The following QRICH2 variants were observed in gnomAD, a reference collection of about 807,000 sequenced individuals.
QRICH2 encodes the protein glutamine-rich protein 2.
A neutral mutation model predicts 168.3 loss-of-function variants in QRICH2; 119 were observed. That is an observed-to-expected ratio of 0.71 (90% CI 0.61 to 0.82). The LOEUF is 0.82. Ranked by LOEUF, QRICH2 falls within the 40% of genes least tolerant of loss-of-function variation. QRICH2 has a pLI of 0.00. For synonymous variants in QRICH2, 894 were observed against 951.2 expected (o/e 0.94, Z 1.11); for missense variants, 2,241 against 2,491.6 (o/e 0.90, Z 2.14).
chr17:76,304,714 A>C (rs756809495), intron 2 of QRICH2, among the ~76,000 whole-genome samples, 168 bp downstream of exon 2: 21 of 152,128 alleles, frequency 1.4e-4, no homozygotes, highest in Non-Finnish European at 2.9e-4. Context: ...CACCCAGCAG[A>C]GCGCTGGGCA....
chr17:76,277,099 T>G (rs2070694082), intron 16 of QRICH2, 64 bp downstream of exon 16: 1 of 1,475,708 alleles, frequency 6.8e-7, no homozygotes, highest in Admixed American at 2.5e-5. Flanking sequence ...CTTTAGAGAA[T>G]GACTCAGGAA....
chr17:76,295,771 C>A (rs532530563), intron 3 of QRICH2, among the ~76,000 whole-genome samples: 2 of 152,300 alleles, frequency 1.3e-5, no homozygotes, highest in South Asian at 4.1e-4. Flanking sequence ...GGGTCTGCAG[C>A]ATCTTGATAA....
At position 76,308,088 on chromosome 17, in the gene QRICH2, C is replaced by G; in HGVS notation, c.-90G>C. ...CCGCGCCTTGGGGCCTTTCGGGGGC[C>G]CTGCGAGGTCCTCGGGGCGCCCCTG... On this transcript the variant is annotated 5_prime_UTR_variant, in exon 1 of 19. Transcript: ENST00000680821. 5 of 1,225,498 alleles carry G rather than the reference C, an allele frequency of 4.1e-6. No homozygotes were observed. The highest frequency in any genetic ancestry group is 4.1e-6 in the Non-Finnish European group (4 of 984,592). 75.9% of individuals were successfully genotyped at this position (1,225,498 alleles called of 1,614,324 possible). A position where few individuals can be genotyped will look rare whatever the true frequency, so the allele number is the denominator to read the frequency against.
intron 4 of QRICH2, 32 bp downstream of exon 4, chr17:76,290,983 T>C (rs760607425): frequency 6.3e-7 from 1 of 1,593,644 alleles, no homozygotes; most frequent in Non-Finnish European, 8.6e-7. Flanking sequence ...ACAGAGACAA[T>C]GGTTTCTCCT....
rs61553346 is a variant in QRICH2, at chr17:76,284,168, CAAAA to C, written c.4012-2057_4012-2054del. Among the ~76,000 whole-genome samples the C allele has an allele frequency of 1.5e-3, 93 of 62,740 alleles. 3 individuals carry two copies. The highest frequency in any genetic ancestry group is 8.8e-3 in the Middle Eastern group (1 of 114). 41.2% of individuals were successfully genotyped at this position (62,740 alleles called of 152,430 possible). On this transcript the variant is annotated intron_variant, in intron 7 of 18. Transcript: ENST00000680821. The stretch of plus-strand genomic sequence containing the variant: ...GGGCAACAGAGCAAAACTCTGTCTC[CAAAA>C]AAAAAAAAAAAAAAAAAAAAAAAAT...
chr17:76,286,635 G>A (rs2070889339), intron 7 of QRICH2, among the ~76,000 whole-genome samples: 1 of 152,060 alleles, frequency 6.6e-6, no homozygotes, highest in Non-Finnish European at 1.5e-5. Context: ...TGAATTCATT[G>A]ATATATGATT....
chr17:76,310,938 CA>C (rs1045210254), upstream of QRICH2: 1 of 152,150 alleles, frequency 6.6e-6, no homozygotes, highest in African/African-American at 2.4e-5. Flanking sequence ...AGCAAGACAA[CA>C]AATTATTTTA....
rs766975514 is a variant in QRICH2, at chr17:76,280,832, G to T, written c.4385C>A (p.Ala1462Asp). 12 of 1,613,880 alleles carry T rather than the reference G, an allele frequency of 7.4e-6. No individual in the cohort carries two copies. Among genetic ancestry groups the T allele is most frequent in the Admixed American group, 1.7e-5 (1 of 60,008 alleles). Residue 1462 changes from alanine to aspartate, a missense_variant and splice_region_variant, in exon 9 of 19, where the codon GCT (alanine) becomes GAT (aspartate). Ala to Asp is a moderately radical substitution (Grantham distance 126). Around this residue, in one of 3 missense-constraint regions of QRICH2, gnomAD observed 2,047 missense variants for 2,303.8 expected, o/e 0.89. Coordinates refer to ENST00000680821, the MANE Select transcript of QRICH2 (RefSeq NM_001388453.1). This position sits in a 1 kb window ranked among gnomAD's most constrained non-coding sequence, Gnocchi z 7.4. The stretch of plus-strand genomic sequence containing the variant: ...CCCAGCCACCCTGCGGCCGCTCACA[G>T]CAATGTCCTTCTGTTTCTGCCGATG... The part of the protein sequence containing the change: ...EDHRQKQKDI[A>D]MLYQGLEKLE...
intron 15 of QRICH2, 44 bp from the exon 16 acceptor site, chr17:76,277,354 G>A: frequency 1.3e-6 from 2 of 1,595,316 alleles, no homozygotes; most frequent in African/African-American, 1.4e-5. Flanking sequence ...AGACCACCAG[G>A]GATGTCACCT....
At position 76,304,398 on chromosome 17, in the gene QRICH2, G is replaced by C; in HGVS notation, c.705+17C>G. ...GAGCCCCACCCAAGACCACGGCCCA[G>C]GCCCCCACTGGTTCACCGCTTGTGA... On this transcript the variant is annotated intron_variant, in intron 3 of 18. Coordinates refer to ENST00000680821, the MANE Select transcript of QRICH2 (RefSeq NM_001388453.1). The C allele has an allele frequency of 6.4e-7, 1 of 1,573,884 alleles. No individual in the cohort carries two copies. Among genetic ancestry groups the C allele is most frequent in the African/African-American group, 1.3e-5 (1 of 74,132 alleles).
In QRICH2 at chr17:76,279,122, G is replaced by A. The variant is rs759044167; in HGVS notation, c.4835C>T (p.Ala1612Val). The A allele has an allele frequency of 1.2e-5, 19 of 1,613,240 alleles. No individual in the cohort carries two copies. The highest frequency in any genetic ancestry group is 2.2e-5 in the East Asian group (1 of 44,888). The change falls in exon 14 of 19, where the codon GCG becomes GTG. Residue 1612 changes from alanine to valine, a missense_variant. By Grantham distance (64) the Ala-to-Val change is moderately conservative (BLOSUM62 0). Transcript: ENST00000680821. ...ATGGTGCCCAGGTAGGCCTGGACCC[G>A]CGGGGGTCACGGGGATGGCACTGGG... ...VTGHAIPVTP[A>V]GPGLPGHHSI...
rs920542520 is a variant in QRICH2, at chr17:76,280,558, C to T, written c.4461+96G>A. 3.1e-6 allele frequency: 5 copies of T among 1,595,244 alleles called. No individual in the cohort carries two copies. The highest frequency in any genetic ancestry group is 1.3e-5 in the African/African-American group (1 of 74,498). On this transcript the variant is annotated intron_variant, in intron 10 of 18. Coordinates refer to ENST00000680821, the MANE Select transcript of QRICH2 (RefSeq NM_001388453.1). This position sits in a 1 kb window ranked among gnomAD's most constrained non-coding sequence, Gnocchi z 7.4. Reference sequence around the variant, plus strand: ...CACCAGGCAGGTTTCTGAGAGCCCACACTCGTCTCGCCAGCTCCCCTCCAC... The same window carrying T: ...CACCAGGCAGGTTTCTGAGAGCCCATACTCGTCTCGCCAGCTCCCCTCCAC...
intron 12 of QRICH2, among the ~76,000 whole-genome samples, 175 bp downstream of exon 12, chr17:76,279,858 G>C (rs2070754034): frequency 1.3e-5 from 2 of 152,188 alleles, no homozygotes; most frequent in African/African-American, 4.8e-5. Flanking sequence ...ATACGAAGGG[G>C]CCTGAGCTAG....
At position 76,292,736 on chromosome 17, in the gene QRICH2, C is replaced by G. The variant is rs550717141; in HGVS notation, c.1991G>C (p.Gly664Ala). 45 of 1,613,080 alleles carry G rather than the reference C, an allele frequency of 2.8e-5. No individual in the cohort carries two copies. The highest frequency in any genetic ancestry group is 5.0e-5 in the Admixed American group (3 of 59,846). The part of the protein sequence containing the change: ...GTGQGVLVQP[G>A]VDQPGMVQPG... ...TTGGACCATGCCAGGCTGATCTACA[C>G]CAGGCTGTACCAAGACACCCTGACC... Residue 664 changes from glycine to alanine, a missense_variant, in exon 4 of 19, where the codon GGT becomes GCT. Gly to Ala is a moderately conservative substitution (Grantham distance 60). Transcript: ENST00000680821.
At chr17:76,305,892 A>C (rs1337886749) in intron 1 of QRICH2, among the ~76,000 whole-genome samples, 11 of 152,166 alleles carry the variant, frequency 7.2e-5, no homozygotes, top group Non-Finnish European at 1.5e-4. Context: ...ACAAAAGGCC[A>C]GGCGCAGTGG....
At position 76,280,723 on chromosome 17, in the gene QRICH2, C is replaced by T. The variant is rs2070772227; in HGVS notation, c.4392G>A (p.Leu1464=). The T allele has an allele frequency of 6.2e-7, 1 of 1,614,052 alleles. No homozygotes were observed. The highest frequency in any genetic ancestry group is 1.3e-5 in the African/African-American group (1 of 74,928). ...HRQKQKDIAM[L]YQGLEKLEKE... ...TTTCGAGCTTCTCCAGACCCTGGTA[C>T]AGCATCTGGGGAGGCCAAGTGAACA... The change falls in exon 10 of 19, where the codon CTG becomes CTA. Residue 1464 remains leucine, a synonymous_variant. Transcript: ENST00000680821. The surrounding 1 kb of genome is among the most constrained non-coding windows in gnomAD (Gnocchi z 7.4).
At chr17:76,305,967 C>T (rs763196149) in intron 1 of QRICH2, among the ~76,000 whole-genome samples, 53 of 151,290 alleles carry the variant, frequency 3.5e-4, no homozygotes, top group Non-Finnish European at 5.0e-4. Flanking sequence ...GTCAGGAGTT[C>T]GAGACCAGCC....
intron 12 of QRICH2, 84 bp downstream of exon 12, chr17:76,279,949 C>A: frequency 6.8e-7 from 1 of 1,464,856 alleles, no homozygotes; most frequent in Non-Finnish European, 9.1e-7. Flanking sequence ...CTGGCAGGAG[C>A]TGTTTGTCTG....
At position 76,293,871 on chromosome 17, in the gene QRICH2, A is replaced by G. The variant is rs769001365; in HGVS notation, c.856T>C (p.Ser286Pro). The G allele has an allele frequency of 6.2e-7, 1 of 1,614,084 alleles. No homozygotes were observed. Among genetic ancestry groups the G allele is most frequent in the Admixed American group, 1.7e-5 (1 of 59,998 alleles). The change falls in exon 4 of 19, where the codon TCA (serine) becomes CCA (proline). Residue 286 changes from serine (S) to proline (P), a missense_variant. Physicochemically the swap from Ser to Pro is moderately conservative, Grantham distance 74 (BLOSUM62 -1). This residue lies in a region of QRICH2 where 2,047 missense variants were observed against 2,303.8 expected (regional missense o/e 0.89). Transcript: ENST00000680821. ...ASGLGPDRTA[S>P]GSGGTAHPSD... ...GGGTGTGCTGTGCCACCAGATCCTG[A>G]TGCAGTCCGATCCGGGCCAAGACCA...
Sources: gnomAD v4.1 joint callset for allele counts (sites outside exome capture counted in the v4.1 genomes callset) on GRCh38, gnomAD v4.1.1 for gene constraint, gnomAD v4.1.1 regional missense constraint, Gnocchi (gnomAD v3.1) non-coding constraint, MANE v1.5 for transcripts, NCBI Gene and HGNC (gene_info 2026-07-23, HGNC 2026-07-21) for gene names.